The following RFC1 variants were observed in gnomAD, a reference collection of about 807,000 sequenced individuals.
The protein encoded by RFC1 is A1 140 kDa subunit.
Under a neutral mutation model 137.4 loss-of-function variants are expected in RFC1, and 37 were observed. That is an observed-to-expected ratio of 0.27 (90% confidence interval 0.21 to 0.35). The LOEUF (loss-of-function observed/expected upper bound fraction) is 0.35, where lower values mean the gene tolerates loss of function less well. RFC1 is among the 10% of genes least tolerant of loss of function. The pLI is 1.00. For missense variants in RFC1, 1,205 were observed against 1,358.5 expected (o/e 0.89, Z 1.78); for synonymous variants, 429 against 455.7 (o/e 0.94, Z 0.75).
At chr4:39,365,279 C>T (rs1036190689) in intron 1 of RFC1, among the ~76,000 whole-genome samples, 1 of 150,370 alleles carries the variant, frequency 6.7e-6, no homozygotes, top group African/African-American at 2.4e-5. Context: ...ACACAAAGGC[C>T]TGCAACGTTT....
At chr4:39,339,435 T>C (rs990191967) in intron 4 of RFC1, among the ~76,000 whole-genome samples, 1 of 152,160 alleles carries the variant, frequency 6.6e-6, no homozygotes, top group Non-Finnish European at 1.5e-5. Context: ...ATAATAGCCA[T>C]CCTAACGAGT....
At chr4:39,295,524 C>A in intron 22 of RFC1, 90 bp downstream of exon 22, 1 of 1,129,864 alleles carries the variant, frequency 8.9e-7, no homozygotes. Flanking sequence ...AAAACTAAAA[C>A]ACAAATCTTT....
Position 39,297,858 on chromosome 4 carries a change from C to A in RFC1, c.2809-2099G>T, listed in dbSNP as rs571892532. Reference sequence around the variant, plus strand: ...TAAATACTTCTTCAAGAGGATTCATCATAATTATTCTCCTACTGCTAGACA... The same window carrying A: ...TAAATACTTCTTCAAGAGGATTCATAATAATTATTCTCCTACTGCTAGACA... On this transcript the variant is annotated intron_variant, in intron 21 of 24. Coordinates refer to ENST00000349703, the MANE Select transcript of RFC1 (RefSeq NM_002913.5). 5 of 152,290 alleles carry A rather than the reference C, an allele frequency of 3.3e-5. No individual in the cohort carries two copies. In the South Asian group the frequency reaches 1.0e-3, roughly 32 times the overall value. The allele number at this position is 152,290 out of a possible 1,614,324, so 9.4% of individuals were successfully genotyped here.
intron 14 of RFC1, among the ~76,000 whole-genome samples, chr4:39,306,210 A>G (rs1738644104): frequency 6.6e-6 from 1 of 152,196 alleles, no homozygotes. Flanking sequence ...AGCCTATTTC[A>G]TTTGACACAT....
Position 39,321,271 on chromosome 4 carries a change from T to C in RFC1, c.808+16A>G, listed in dbSNP as rs1259675796. On this transcript the variant is annotated intron_variant, in intron 8 of 24. Coordinates refer to ENST00000349703, the MANE Select transcript of RFC1 (RefSeq NM_002913.5). ...GAAGACAAGTGCTCCATCTTACTTT[T>C]TTCTGCTAGTATTACCTTTATGAGG... 6.3e-7 allele frequency: 1 copy of C among 1,596,828 alleles called. No individual in the cohort carries two copies. Among genetic ancestry groups the C allele is most frequent in the Admixed American group, 1.7e-5 (1 of 59,008 alleles).
chr4:39,328,094 C>T (rs1222836767), intron 4 of RFC1, among the ~76,000 whole-genome samples: 4 of 152,218 alleles, frequency 2.6e-5, no homozygotes, highest in Non-Finnish European at 4.4e-5. Flanking sequence ...GATTGCACCA[C>T]TGCACTCCAG....
At chr4:39,291,914 ATAACAGCACTGAGT>A in intron 22 of RFC1, 62 bp from the exon 23 acceptor site, 1 of 1,169,394 alleles carries the variant, frequency 8.6e-7, no homozygotes, top group African/African-American at 1.5e-5. Context: ...CATACTGTGC[ATAACAGCACTGAGT>A]TAATCAGGCA....
At chr4:39,353,289 G>C (rs1354200175) in intron 1 of RFC1, among the ~76,000 whole-genome samples, 1 of 147,650 alleles carries the variant, frequency 6.8e-6, no homozygotes, top group African/African-American at 2.5e-5. Flanking sequence ...TAATCCACCT[G>C]CTCTGAAGAC....
chr4:39,306,509 C>T, intron 14 of RFC1, 83 bp downstream of exon 14: 1 of 728,312 alleles, frequency 1.4e-6, no homozygotes, highest in Non-Finnish European at 2.5e-6. Context: ...CATGCACACG[C>T]ACAGATGTGG....
Position 39,312,774 on chromosome 4 carries a change from C to T in RFC1, c.1361G>A (p.Ser454Asn), listed in dbSNP as rs757688983. The T allele has an allele frequency of 5.6e-6, 9 of 1,614,140 alleles. No homozygotes were observed. In the South Asian group the frequency reaches 8.8e-5, roughly 16 times the overall value. ...KTNYLVMGRDSGQSKSDKAAA... is the reference protein window; with the variant it reads ...KTNYLVMGRDNGQSKSDKAAA... ...CACCTTATCACTCTTGGACTGTCCA[C>T]TATCACGACCCATGACAAGATAATT... The change falls in exon 11 of 25, where the codon AGT (serine) becomes AAT (asparagine). Residue 454 changes from serine to asparagine, a missense_variant. Around this residue, in one of 3 missense-constraint regions of RFC1, gnomAD observed 962 missense variants for 1,035.3 expected, o/e 0.93. Coordinates refer to ENST00000349703, the MANE Select transcript of RFC1 (RefSeq NM_002913.5).
chr4:39,336,293 G>A (rs903680450), intron 4 of RFC1, among the ~76,000 whole-genome samples: 1 of 144,720 alleles, frequency 6.9e-6, no homozygotes, highest in African/African-American at 2.6e-5. Flanking sequence ...AAGAAATGAA[G>A]TCCTAATTGT....
intron 1 of RFC1, among the ~76,000 whole-genome samples, chr4:39,361,720 T>C (rs1237493568): frequency 6.6e-6 from 1 of 152,194 alleles, no homozygotes; most frequent in Non-Finnish European, 1.5e-5. Flanking sequence ...TATTTCTGTA[T>C]ACTTTTGCAA....
Position 39,320,467 on chromosome 4 carries a change from G to A in RFC1, c.1011C>T (p.Ala337=). The change falls in exon 9 of 25, where the codon GCC becomes GCT. Residue 337 remains alanine, a synonymous_variant. Transcript: ENST00000349703. ...TAATGGCATTTTCTTTTCTTTTTGA[G>A]GCCACAGGCTCTATTTCTTTATAAG... ...ESSYKEIEPV[A]SKRKENAIKL... 6.3e-7 allele frequency: 1 copy of A among 1,595,198 alleles called. No homozygotes were observed. The highest frequency in any genetic ancestry group is 1.4e-5 in the African/African-American group (1 of 73,160).
At chr4:39,345,259 C>T in intron 3 of RFC1, 142 bp downstream of exon 3, 1 of 592,540 alleles carries the variant, frequency 1.7e-6, no homozygotes, top group Non-Finnish European at 2.9e-6. Flanking sequence ...AAGTCATCTG[C>T]CTGCCTTTGC....
At chr4:39,351,204 T>C in intron 2 of RFC1, 144 bp downstream of exon 2, 2 of 430,732 alleles carry the variant, frequency 4.6e-6, no homozygotes, top group South Asian at 4.0e-5. Flanking sequence ...TCTGCCGAGA[T>C]TGCACCACTG....
intron 12 of RFC1, among the ~76,000 whole-genome samples, chr4:39,309,563 A>C (rs1738863385): frequency 6.6e-6 from 1 of 152,248 alleles, no homozygotes; most frequent in South Asian, 2.1e-4. Flanking sequence ...AAGTGGAAGA[A>C]GCCAGACACA....
intron 2 of RFC1, among the ~76,000 whole-genome samples, chr4:39,347,506 A>G (rs548436302): frequency 4.6e-5 from 7 of 152,336 alleles, no homozygotes; most frequent in Admixed American, 3.9e-4. Context: ...CTCTGACTGT[A>G]TAATACAGAT....
chr4:39,293,949 C>T lies in RFC1; in HGVS notation c.2954+1665G>A, dbSNP rs1049838699. Among the ~76,000 whole-genome samples the T allele has an allele frequency of 7.9e-5, 12 of 152,300 alleles. No homozygotes were observed. In the East Asian group the frequency reaches 1.7e-3, roughly 22 times the overall value. On this transcript the variant is annotated intron_variant, in intron 22 of 24. Coordinates refer to ENST00000349703, the MANE Select transcript of RFC1 (RefSeq NM_002913.5). ...CCACCTGCATGTCTTGGCTGATGGT[C>T]CCTGTCTCTCTTCTCAAGGCCTGGC...
At chr4:39,362,400 A>G (rs1741803531) in intron 1 of RFC1, among the ~76,000 whole-genome samples, 1 of 152,224 alleles carries the variant, frequency 6.6e-6, no homozygotes. Flanking sequence ...ATTATGACAA[A>G]GCCACGGTAA....
Sources: allele counts gnomAD v4.1 joint callset (sites outside exome capture counted in the v4.1 genomes callset), GRCh38; gene constraint gnomAD v4.1.1; regional missense constraint gnomAD v4.1.1; transcripts MANE v1.5; gene names NCBI Gene and HGNC (gene_info 2026-07-23, HGNC 2026-07-21).